The following RNASEH1 variants were observed in gnomAD, a reference collection of about 807,000 sequenced individuals.
The protein encoded by RNASEH1 is ribonuclease H type II.
A neutral mutation model predicts 34.6 loss-of-function variants in RNASEH1; 27 were observed. That is an observed-to-expected ratio of 0.78 (90% CI 0.58 to 1.08). The LOEUF (loss-of-function observed/expected upper bound fraction) is 1.08. Among genes scored for constraint, RNASEH1 ranks in the 50% least tolerant of loss-of-function variants. The pLI is 0.00. For missense variants in RNASEH1, 349 were observed against 373.6 expected (o/e 0.93, Z 0.54); for synonymous variants, 162 against 138.4 (o/e 1.17, Z -1.20).
rs1474791561 is a variant in RNASEH1, at chr2:3,543,817, T to C, written c.*1968A>G. The stretch of plus-strand genomic sequence containing the variant: ...TCTGTAGAGACAGGGTGTCACTATG[T>C]TGCCCAGACTAGTCTCAAACTCCTG... On this transcript the variant is annotated 3_prime_UTR_variant, in exon 8 of 8. Transcript: ENST00000315212. Among the ~76,000 whole-genome samples the C allele has an allele frequency of 1.3e-5, 2 of 152,132 alleles. No individual in the cohort carries two copies. Among genetic ancestry groups the C allele is most frequent in the Non-Finnish European group, 2.9e-5 (2 of 68,034 alleles).
rs1318898382 is a variant in RNASEH1 at position 3,550,404 on chromosome 2, T to A, written c.478A>T (p.Ile160Phe). The change falls in exon 4 of 8, where the codon ATC (isoleucine) becomes TTC (phenylalanine). Residue 160 changes from isoleucine to phenylalanine, a missense_variant. Ile to Phe is a conservative substitution (Grantham distance 21, BLOSUM62 0). Coordinates refer to ENST00000315212, the MANE Select transcript of RNASEH1 (RefSeq NM_002936.6). Reference protein sequence around the residue: ...SNGRRRPRAGIGVYWGPGHPL... With the variant: ...SNGRRRPRAGFGVYWGPGHPL... ...TGGCCTGGCCCCCAGTAAACGCCGATTCCTGCTCGCGGCCTTCTACGCCCA... is the reference window on the plus strand; with the variant it reads ...TGGCCTGGCCCCCAGTAAACGCCGAATCCTGCTCGCGGCCTTCTACGCCCA... 6 of 1,614,142 alleles carry A rather than the reference T, an allele frequency of 3.7e-6. No homozygotes were observed. The highest frequency in any genetic ancestry group is 5.1e-6 in the Non-Finnish European group (6 of 1,180,006).
In RNASEH1 at chr2:3,542,308, T is replaced by C. The variant is rs1668370326; in HGVS notation, c.*3477A>G. On this transcript the variant is annotated 3_prime_UTR_variant, in exon 8 of 8. Coordinates refer to ENST00000315212, the MANE Select transcript of RNASEH1 (RefSeq NM_002936.6). The stretch of plus-strand genomic sequence containing the variant: ...GACACATTCGAATAAAACGGCCGAC[T>C]TGACAGAAAAAGGAAAAAATCCTTT... Among the ~76,000 whole-genome samples, 1 of 152,152 alleles carries C rather than the reference T, an allele frequency of 6.6e-6. No homozygotes were observed.
chr2:3,556,802 C>T lies in RNASEH1; in HGVS notation c.231G>A (p.Pro77=), dbSNP rs1174005552. ...AWAFVRKSAS[P]EVSEGHENQH... is the part of the protein sequence containing the mutation. ...AGAGGTGACTACCTTCTGAAACTTCCGGGCTTGCAGATTTCCTGACAAAGG... is the reference window on the plus strand; with the variant it reads ...AGAGGTGACTACCTTCTGAAACTTCTGGGCTTGCAGATTTCCTGACAAAGG... The change falls in exon 2 of 8, where the codon CCG becomes CCA. Residue 77 remains proline, a synonymous_variant. Transcript: ENST00000315212. 5.6e-6 allele frequency: 9 copies of T among 1,612,900 alleles called. No homozygotes were observed. The highest frequency in any genetic ancestry group is 2.2e-5 in the East Asian group (1 of 44,886).
At position 3,545,095 on chromosome 2, in the gene RNASEH1, T is replaced by G. The variant is rs528009821; in HGVS notation, c.*690A>C. On this transcript the variant is annotated 3_prime_UTR_variant, in exon 8 of 8. Coordinates refer to ENST00000315212, the MANE Select transcript of RNASEH1 (RefSeq NM_002936.6). Reference sequence around the variant, plus strand: ...CAGCCGGTGTCTTACTTTTTTTTTTTTTTTTTTAATTTGCACAGTTTTTAA... The same window carrying G: ...CAGCCGGTGTCTTACTTTTTTTTTTGTTTTTTTAATTTGCACAGTTTTTAA... The G allele has an allele frequency of 6.8e-6, 1 of 146,914 alleles. No homozygotes were observed. Among genetic ancestry groups the G allele is most frequent in the East Asian group, 2.0e-4 (1 of 5,000 alleles). 9.1% of individuals were successfully genotyped at this position (146,914 alleles called of 1,614,324 possible).
the RNASEH1 span, among the ~76,000 whole-genome samples, chr2:3,532,529 T>C: frequency 1.3e-5 from 2 of 152,132 alleles, no homozygotes; most frequent in African/African-American, 2.4e-5. Context: ...TACAGCCCAC[T>C]ACACACCCGG....
rs189624317 is a variant in RNASEH1 at position 3,542,468 on chromosome 2, C to T, written c.*3317G>A. On this transcript the variant is annotated 3_prime_UTR_variant, in exon 8 of 8. Transcript: ENST00000315212. The stretch of plus-strand genomic sequence containing the variant: ...CAAAGAAAATCTGGGCCAAGAATTT[C>T]GTATCCAGCAAAACTGAATTCAACA... Among the ~76,000 whole-genome samples, 5 of 152,254 alleles carry T rather than the reference C, an allele frequency of 3.3e-5. No individual in the cohort carries two copies. The highest frequency in any genetic ancestry group is 1.9e-4 in the East Asian group (1 of 5,178).
chr2:3,543,675 G>A lies in RNASEH1; in HGVS notation c.*2110C>T, dbSNP rs1460169862. Among the ~76,000 whole-genome samples the A allele has an allele frequency of 1.3e-5, 2 of 151,976 alleles. No homozygotes were observed. Among genetic ancestry groups the A allele is most frequent in the African/African-American group, 4.8e-5 (2 of 41,346 alleles). The stretch of plus-strand genomic sequence containing the variant: ...CGCCCAGGCTGGAATGTGGTGGCAT[G>A]GTCACAGCTCACGCATCCTCGACCT... On this transcript the variant is annotated 3_prime_UTR_variant, in exon 8 of 8. Coordinates refer to ENST00000315212, the MANE Select transcript of RNASEH1 (RefSeq NM_002936.6).
intron 1 of RNASEH1, 38 bp downstream of exon 1, chr2:3,558,095 T>G: frequency 6.4e-7 from 1 of 1,561,558 alleles, no homozygotes. Context: ...TCGACCCCGA[T>G]GCCGGCAGGG....
chr2:3,537,801 G>A (rs1354800372), downstream of RNASEH1, among the ~76,000 whole-genome samples: 1 of 152,134 alleles, frequency 6.6e-6, no homozygotes, highest in Non-Finnish European at 1.5e-5. Flanking sequence ...ACTTTGGCAG[G>A]CCAAGGCAGG....
Position 3,558,161 on chromosome 2 carries a change from C to T in RNASEH1, c.100G>A (p.Gly34Ser), listed in dbSNP as rs1660730813. 6.2e-7 allele frequency: 1 copy of T among 1,603,008 alleles called. No individual in the cohort carries two copies. The highest frequency in any genetic ancestry group is 8.5e-7 in the Non-Finnish European group (1 of 1,176,406). ...GTCAGAAAGACCCCGGTCTTGCGGC[C>T]CCTCCTCACGGCATAGAACATCCCG... ...GFGMFYAVRR[G>S]RKTGVFLTWN... The change falls in exon 1 of 8, where the codon GGC becomes AGC. Residue 34 changes from glycine to serine, a missense_variant. Transcript: ENST00000315212.
chr2:3,537,176 A>G (rs756083221), downstream of RNASEH1, among the ~76,000 whole-genome samples: 7 of 152,218 alleles, frequency 4.6e-5, no homozygotes, highest in Non-Finnish European at 1.0e-4. Context: ...AGCACACTAC[A>G]TATTATACGA....
chr2:3,536,648 G>T (rs1668002946), downstream of RNASEH1: 1 of 152,296 alleles, frequency 6.6e-6, no homozygotes, highest in African/African-American at 2.4e-5. Context: ...CCTCACTGGA[G>T]TGGGCCCTTG....
At chr2:3,540,938 C>T (rs1051691632), downstream of RNASEH1, among the ~76,000 whole-genome samples, 14 of 152,082 alleles carry the variant, frequency 9.2e-5, no homozygotes, top group African/African-American at 3.4e-4. Flanking sequence ...AATGAGGTGA[C>T]AAGTGTTGAC....
intron 2 of RNASEH1, 150 bp from the exon 3 acceptor site, chr2:3,552,458 A>G: frequency 1.4e-6 from 1 of 698,314 alleles, no homozygotes. Flanking sequence ...GAAACGAGGG[A>G]ATGACCCCCT....
chr2:3,535,017 C>A, the RNASEH1 span, among the ~76,000 whole-genome samples: 6 of 152,282 alleles, frequency 3.9e-5, 1 homozygote, highest in Admixed American at 1.3e-4. Context: ...GTGTCCAACA[C>A]GAACAGAGCT....
At position 3,558,249 on chromosome 2, in the gene RNASEH1, A is replaced by C. The variant is rs1051658456; in HGVS notation, c.12T>G (p.Leu4=). Residue 4 remains leucine, a synonymous_variant, in exon 1 of 8, where the codon CTT becomes CTG. Coordinates refer to ENST00000315212, the MANE Select transcript of RNASEH1 (RefSeq NM_002936.6). ...AGGCGACTCTGTGGGCCAGGAACAG[A>C]AGCCAGCTCATCGCTCACTCCCGGC... MSW[L]LFLAHRVALA... 2 of 1,588,842 alleles carry C rather than the reference A, an allele frequency of 1.3e-6. No individual in the cohort carries two copies. Among genetic ancestry groups the C allele is most frequent in the Non-Finnish European group, 1.7e-6 (2 of 1,171,328 alleles).
Position 3,544,972 on chromosome 2 carries a change from G to C in RNASEH1, c.*813C>G, listed in dbSNP as rs901964073. ...GTAATTTTAGTAGAGACAGGGTTTC[G>C]TCATGTTGGCCAAGCTGGTCTCAAA... On this transcript the variant is annotated 3_prime_UTR_variant, in exon 8 of 8. Transcript: ENST00000315212. 2.0e-5 allele frequency: 3 copies of C among 151,308 alleles called. No homozygotes were observed. The highest frequency in any genetic ancestry group is 7.3e-5 in the African/African-American group (3 of 41,154). The allele number at this position is 151,308 out of a possible 1,614,324, so 9.4% of individuals were successfully genotyped here. A position where few individuals can be genotyped will look rare whatever the true frequency, so the allele number is the denominator to read the frequency against.
rs963150252 is a variant in RNASEH1 at position 3,542,243 on chromosome 2, C to T, written c.*3542G>A. 6.6e-6 allele frequency among the ~76,000 whole-genome samples: 1 copy of T among 152,154 alleles called. No homozygotes were observed. The highest frequency in any genetic ancestry group is 2.4e-5 in the African/African-American group (1 of 41,438). On this transcript the variant is annotated 3_prime_UTR_variant, in exon 8 of 8. Transcript: ENST00000315212. ...GTACACATAGAAAGAGCACACCATA[C>T]GCTTGCAAATATGGACCAGGACAAC...
At chr2:3,549,269 A>G (rs1342833943) in intron 4 of RNASEH1, among the ~76,000 whole-genome samples, 157 bp from the exon 5 acceptor site, 4 of 152,252 alleles carry the variant, frequency 2.6e-5, no homozygotes, top group Non-Finnish European at 4.4e-5. Context: ...AGAGCAGCAC[A>G]CAGGTTTCCA....
Sources: gnomAD v4.1 joint callset for allele counts (sites outside exome capture counted in the v4.1 genomes callset) on GRCh38, gnomAD v4.1.1 for gene constraint, MANE v1.5 for transcripts, NCBI Gene and HGNC (gene_info 2026-07-23, HGNC 2026-07-21) for gene names.